The following PCDHGA4 variants were observed in gnomAD, a reference collection of about 807,000 sequenced individuals.
PCDHGA4 encodes the protein protocadherin gamma-A4.
A neutral mutation model predicts 54.6 loss-of-function variants in PCDHGA4; 38 were observed. That is an observed-to-expected ratio of 0.70 (90% CI 0.54 to 0.91). PCDHGA4 has a LOEUF of 0.91. Among genes scored for constraint, PCDHGA4 ranks in the 40% least tolerant of loss-of-function variants. PCDHGA4 has a pLI of 0.00. For missense variants in PCDHGA4, 1,298 were observed against 1,220.9 expected (o/e 1.06, Z -0.94); for synonymous variants, 511 against 512.9 (o/e 1.00, Z 0.05).
At chr5:141,391,203 T>C (rs77020243) in intron 1 of PCDHGA4, 3 of 152,214 alleles carry the variant, frequency 2.0e-5, no homozygotes, top group Non-Finnish European at 4.4e-5. Flanking sequence ...ATATACAAAA[T>C]ACCAAGGAAC....
At chr5:141,421,720 G>A (rs372813759) in intron 1 of PCDHGA4, 4 of 1,613,788 alleles carry the variant, frequency 2.5e-6, no homozygotes, top group Non-Finnish European at 3.4e-6. Context: ...AGATGTGGGC[G>A]TGAACTCCCT....
intron 1 of PCDHGA4, among the ~76,000 whole-genome samples, chr5:141,407,088 G>T (rs955657125): frequency 4.6e-5 from 7 of 152,058 alleles, no homozygotes; most frequent in African/African-American, 1.7e-4. Context: ...ATGAAGAATT[G>T]TTTTATTTGT....
intron 1 of PCDHGA4, among the ~76,000 whole-genome samples, chr5:141,450,547 C>T (rs182695399): frequency 3.4e-4 from 51 of 150,496 alleles, no homozygotes; most frequent in African/African-American, 1.0e-3. Context: ...AATGCAGTGG[C>T]GCAGTCTCGG....
chr5:141,478,672 A>G (rs1216792401), intron 1 of PCDHGA4: 22 of 1,551,540 alleles, frequency 1.4e-5, no homozygotes, highest in Admixed American at 2.0e-5. Flanking sequence ...CACACTTTCA[A>G]CTGGCCCTTC....
At chr5:141,401,159 T>G (rs2094122338) in intron 1 of PCDHGA4, among the ~76,000 whole-genome samples, 1 of 152,076 alleles carries the variant, frequency 6.6e-6, no homozygotes, top group Admixed American at 6.6e-5. Context: ...CTGGGCAATA[T>G]GGTGAAAACC....
chr5:141,417,859 GAT>G, intron 1 of PCDHGA4: 1 of 1,548,208 alleles, frequency 6.5e-7, no homozygotes, highest in Middle Eastern at 1.7e-4. Context: ...CCGAGCGAAC[GAT>G]GGGAGGGAGC....
At chr5:141,451,193 A>T (rs2098710240) in intron 1 of PCDHGA4, among the ~76,000 whole-genome samples, 1 of 152,208 alleles carries the variant, frequency 6.6e-6, no homozygotes, top group Non-Finnish European at 1.5e-5. Context: ...TGTGTAACAA[A>T]TTATCCCAAA....
rs777566456 is a variant in PCDHGA4, at chr5:141,405,216, A to G, written c.2514+47595A>G. On this transcript the variant is annotated intron_variant, in intron 1 of 3. Coordinates refer to ENST00000571252, the MANE Select transcript of PCDHGA4 (RefSeq NM_018917.4). ...CGAGCTTTCCTACAGACCTATTCTCAGGAGTTCTCCCTCACCGCTGACTCA... is the reference window on the plus strand; with the variant it reads ...CGAGCTTTCCTACAGACCTATTCTCGGGAGTTCTCCCTCACCGCTGACTCA... 27 of 1,613,806 alleles carry G rather than the reference A, an allele frequency of 1.7e-5. No individual in the cohort carries two copies. In the Admixed American group the frequency reaches 2.7e-4, roughly 16 times the overall value.
At chr5:141,440,605 C>G (rs1214459401) in intron 1 of PCDHGA4, 1 of 152,228 alleles carries the variant, frequency 6.6e-6, no homozygotes, top group East Asian at 1.9e-4. Context: ...TGCAACAGAA[C>G]CTGCAGAAGA....
intron 2 of PCDHGA4, among the ~76,000 whole-genome samples, chr5:141,496,008 C>CT (rs1468405718): frequency 2.0e-5 from 3 of 151,956 alleles, no homozygotes; most frequent in Non-Finnish European, 4.4e-5. Flanking sequence ...TTTATCTTGT[C>CT]TTTTTTCTCT....
chr5:141,374,543 C>T (rs755927894), intron 1 of PCDHGA4: 3 of 1,613,376 alleles, frequency 1.9e-6, no homozygotes, highest in South Asian at 1.1e-5. Context: ...TCGTTTTCCA[C>T]TAATGGAGGT....
At chr5:141,419,904 C>G (rs2096446397) in intron 1 of PCDHGA4, 2 of 1,614,108 alleles carry the variant, frequency 1.2e-6, no homozygotes, top group Non-Finnish European at 1.7e-6. Flanking sequence ...CCCACACCCT[C>G]TGACTCCCAG....
Position 141,476,220 on chromosome 5 carries a change from A to G in PCDHGA4, c.2515-18587A>G, listed in dbSNP as rs770978000. On this transcript the variant is annotated intron_variant, in intron 1 of 3. Coordinates refer to ENST00000571252, the MANE Select transcript of PCDHGA4 (RefSeq NM_018917.4). This position sits in a 1 kb window ranked among gnomAD's most constrained non-coding sequence, Gnocchi z 7.6. Reference sequence around the variant, plus strand: ...AACAAGGCTTCCACGGTCATTCACTATGAGATCCCGGAGGAAAGAGAGAAG... The same window carrying G: ...AACAAGGCTTCCACGGTCATTCACTGTGAGATCCCGGAGGAAAGAGAGAAG... 44 of 1,613,884 alleles carry G rather than the reference A, an allele frequency of 2.7e-5. No individual in the cohort carries two copies. The highest frequency in any genetic ancestry group is 3.4e-5 in the Non-Finnish European group (40 of 1,180,004).
chr5:141,438,065 C>T (rs1385128405), intron 1 of PCDHGA4, among the ~76,000 whole-genome samples: 1 of 151,996 alleles, frequency 6.6e-6, no homozygotes, highest in Non-Finnish European at 1.5e-5. Flanking sequence ...TTTAAGAAAC[C>T]ATACTTAATG....
At chr5:141,362,014 C>G (rs748394772) in intron 1 of PCDHGA4, 5 of 1,605,936 alleles carry the variant, frequency 3.1e-6, no homozygotes, top group African/African-American at 1.3e-5. Context: ...GGGTGAGGTG[C>G]GCACAGCGCG....
intron 1 of PCDHGA4, chr5:141,430,836 C>T: frequency 6.4e-7 from 1 of 1,558,936 alleles, no homozygotes; most frequent in South Asian, 1.2e-5. Context: ...CTGTGGGAGA[C>T]CGGATGCACC....
At chr5:141,393,890 T>C (rs1207998765) in intron 1 of PCDHGA4, 2 of 1,613,958 alleles carry the variant, frequency 1.2e-6, no homozygotes, top group South Asian at 2.2e-5. Flanking sequence ...TGTTAGAAAA[T>C]TCTCTTCCCG....
chr5:141,399,569 G>A (rs1192197329), intron 1 of PCDHGA4: 1 of 1,613,888 alleles, frequency 6.2e-7, no homozygotes, highest in Non-Finnish European at 8.5e-7. Context: ...GGGTTGAACG[G>A]CCAAGTCTCC....
chr5:141,478,116 C>T (rs145816520), intron 1 of PCDHGA4: 1 of 1,613,974 alleles, frequency 6.2e-7, no homozygotes, highest in Non-Finnish European at 8.5e-7. Flanking sequence ...GTGTCAGTAA[C>T]CGAGGACTCT....
Sources: allele counts gnomAD v4.1 joint callset (sites outside exome capture counted in the v4.1 genomes callset), GRCh38; gene constraint gnomAD v4.1.1; non-coding constraint Gnocchi (gnomAD v3.1); transcripts MANE v1.5; gene names NCBI Gene and HGNC (gene_info 2026-07-23, HGNC 2026-07-21).